Variants in TIMP4 observed in about 807,000 individuals in gnomAD.
The protein encoded by TIMP4 is TIMP metallopeptidase inhibitor 4, also known as metalloproteinase inhibitor 4.
Under a neutral mutation model 27.3 loss-of-function variants are expected in TIMP4, and 28 were observed. The observed-to-expected ratio is 1.03, with a 90% confidence interval of 0.76 to 1.41. TIMP4 has a LOEUF of 1.41. TIMP4 is among the 40% of genes most tolerant of loss of function. The probability of loss-of-function intolerance (pLI) is 0.00; values close to 1 mark genes in which losing one functional copy is unlikely to be tolerated. For missense variants in TIMP4, 307 were observed against 285.5 expected, an observed-to-expected ratio of 1.08 and a Z score of -0.54; for synonymous variants, 138 against 115.5, an observed-to-expected ratio of 1.20 and a Z score of -1.25.
chr3:12,158,063 C>A (rs1009002902), intron 1 of TIMP4, among the ~76,000 whole-genome samples: 6 of 152,174 alleles, frequency 3.9e-5, no homozygotes, highest in African/African-American at 1.4e-4. Flanking sequence ...TCCTGCCGAG[C>A]TCTTGATCTA....
rs767028071 is a variant in TIMP4, at chr3:12,153,557, G to A, written c.633C>T (p.His211=). Residue 211 remains histidine (H), a synonymous_variant, in exon 5 of 5, where the codon CAC becomes CAT. Coordinates refer to ENST00000287814, the MANE Select transcript of TIMP4 (RefSeq NM_003256.4). ...VDGTCSWYRG[H]LPLRKEFVDI... Reference sequence around the variant, plus strand: ...CAACAAACTCCTTCCTGAGAGGCAGGTGGCCCCGGTACCAGCTGCAGGTGC... The same window carrying A: ...CAACAAACTCCTTCCTGAGAGGCAGATGGCCCCGGTACCAGCTGCAGGTGC... 1 of 1,613,998 alleles carries A rather than the reference G, an allele frequency of 6.2e-7. No homozygotes were observed. Among genetic ancestry groups the A allele is most frequent in the Non-Finnish European group, 8.5e-7 (1 of 1,179,994 alleles).
chr3:12,154,050 A>G (rs190669203), intron 4 of TIMP4, among the ~76,000 whole-genome samples: 6 of 152,346 alleles, frequency 3.9e-5, no homozygotes, highest in Admixed American at 3.9e-4. Context: ...AAACATTTAC[A>G]GTAAATTTAC....
chr3:12,153,294 AG>A lies in TIMP4; in HGVS notation c.*220del. 1 of 592,834 alleles carries A rather than the reference AG, an allele frequency of 1.7e-6. No individual in the cohort carries two copies. The allele number at this position is 592,834 out of a possible 1,614,324, so 36.7% of individuals were successfully genotyped here. Reference sequence around the variant, plus strand: ...AGAAACACTTGCAGTAACAGCTACAAGGCTAGACTAATGGGGTTTGGGAGGC... The same window carrying A: ...AGAAACACTTGCAGTAACAGCTACAAGCTAGACTAATGGGGTTTGGGAGGC... On this transcript the variant is annotated 3_prime_UTR_variant, in exon 5 of 5. Coordinates refer to ENST00000287814, the MANE Select transcript of TIMP4 (RefSeq NM_003256.4).
In TIMP4 at chr3:12,153,590, A is replaced by G; in HGVS notation, c.600T>C (p.His200=). 1 of 1,614,146 alleles carries G rather than the reference A, an allele frequency of 6.2e-7. No homozygotes were observed. The highest frequency in any genetic ancestry group is 8.5e-7 in the Non-Finnish European group (1 of 1,180,006). The change falls in exon 5 of 5, where the codon CAT becomes CAC. Residue 200 remains histidine, a synonymous_variant. Coordinates refer to ENST00000287814, the MANE Select transcript of TIMP4 (RefSeq NM_003256.4). ...GGTACCAGCTGCAGGTGCCGTCAACATGCTTCATACAGACATAATGCTGAG... is the reference window on the plus strand; with the variant it reads ...GGTACCAGCTGCAGGTGCCGTCAACGTGCTTCATACAGACATAATGCTGAG... The part of the protein sequence containing the change: ...YQAQHYVCMK[H]VDGTCSWYRG...
At chr3:12,155,460 G>A (rs1296937661) in intron 3 of TIMP4, among the ~76,000 whole-genome samples, 2 of 152,208 alleles carry the variant, frequency 1.3e-5, no homozygotes, top group Admixed American at 6.5e-5. Context: ...GTTGGGGGAA[G>A]GGCTTCCTGT....
chr3:12,154,178 G>C, intron 4 of TIMP4, 149 bp downstream of exon 4: 3 of 1,203,246 alleles, frequency 2.5e-6, no homozygotes, highest in Non-Finnish European at 3.5e-6. Flanking sequence ...TTTGAGATCA[G>C]GGCCTATAGA....
chr3:12,156,947 T>A lies in TIMP4; in HGVS notation c.238-13A>T, dbSNP rs1298668873. 6.2e-7 allele frequency: 1 copy of A among 1,602,338 alleles called. No individual in the cohort carries two copies. ...ACCCTTTGAACATCTGACAGGCAAT[T>A]ACAAAAAAAGGCAATATTGGGTCAG... On this transcript the variant is annotated splice_polypyrimidine_tract_variant and intron_variant, in intron 2 of 4. Coordinates refer to ENST00000287814, the MANE Select transcript of TIMP4 (RefSeq NM_003256.4).
rs1342387813 is a variant in TIMP4 at position 12,153,560 on chromosome 3, G to A, written c.630C>T (p.Gly210=). 2 of 1,614,056 alleles carry A rather than the reference G, an allele frequency of 1.2e-6. No individual in the cohort carries two copies. Among genetic ancestry groups the A allele is most frequent in the Admixed American group, 1.7e-5 (1 of 60,022 alleles). ...CAAACTCCTTCCTGAGAGGCAGGTG[G>A]CCCCGGTACCAGCTGCAGGTGCCGT... ...HVDGTCSWYR[G]HLPLRKEFVD... The change falls in exon 5 of 5, where the codon GGC becomes GGT. Residue 210 remains glycine, a synonymous_variant. Coordinates refer to ENST00000287814, the MANE Select transcript of TIMP4 (RefSeq NM_003256.4).
At chr3:12,158,423 C>T (rs1378291907) in intron 1 of TIMP4, among the ~76,000 whole-genome samples, 1 of 152,124 alleles carries the variant, frequency 6.6e-6, no homozygotes, top group Non-Finnish European at 1.5e-5. Flanking sequence ...TCCGGTGACA[C>T]CTTGTGTAAT....
In TIMP4 at chr3:12,158,868, T is replaced by A; in HGVS notation, c.-28A>T. On this transcript the variant is annotated 5_prime_UTR_variant, in exon 1 of 5. Coordinates refer to ENST00000287814, the MANE Select transcript of TIMP4 (RefSeq NM_003256.4). ...CACTGCAGATCCGCGACTGAGCCTG[T>A]GAGGTCTGGGGGACTGGACGGCCCC... 1 of 1,534,562 alleles carries A rather than the reference T, an allele frequency of 6.5e-7. No individual in the cohort carries two copies. Among genetic ancestry groups the A allele is most frequent in the Non-Finnish European group, 8.7e-7 (1 of 1,144,382 alleles).
Position 12,153,684 on chromosome 3 carries a change from G to A in TIMP4, c.506C>T (p.Thr169Ile). 6.2e-7 allele frequency: 1 copy of A among 1,614,204 alleles called. No individual in the cohort carries two copies. The highest frequency in any genetic ancestry group is 8.5e-7 in the Non-Finnish European group (1 of 1,180,036). ...QITTCYTVPC[T>I]ISAPNECLWT... ...GAGGCACTCGTTAGGGGCCGAGATGGTACAGGGTACTGTGTAGCAGGTGGT... is the reference window on the plus strand; with the variant it reads ...GAGGCACTCGTTAGGGGCCGAGATGATACAGGGTACTGTGTAGCAGGTGGT... The change falls in exon 5 of 5, where the codon ACC becomes ATC. Residue 169 changes from threonine to isoleucine, a missense_variant. Transcript: ENST00000287814.
In TIMP4 at chr3:12,158,849, A is replaced by AG; in HGVS notation, c.-10dup. On this transcript the variant is annotated 5_prime_UTR_variant, in exon 1 of 5. Coordinates refer to ENST00000287814, the MANE Select transcript of TIMP4 (RefSeq NM_003256.4). ...CGAGGGCTCCCAGGCATGACACTGC[A>AG]GATCCGCGACTGAGCCTGTGAGGTC... 1 of 1,565,110 alleles carries AG rather than the reference A, an allele frequency of 6.4e-7. No homozygotes were observed. The highest frequency in any genetic ancestry group is 8.6e-7 in the Non-Finnish European group (1 of 1,159,910).
chr3:12,156,743 AC>A lies in TIMP4; in HGVS notation c.352+76del, dbSNP rs1697468043. 1.0e-5 allele frequency: 12 copies of A among 1,177,898 alleles called. No homozygotes were observed. The South Asian group carries it at 1.6e-4, about 15-fold the overall frequency. 73.0% of individuals were successfully genotyped at this position (1,177,898 alleles called of 1,614,324 possible). A position where few individuals can be genotyped will look rare whatever the true frequency, so the allele number is the denominator to read the frequency against. On this transcript the variant is annotated intron_variant, in intron 3 of 4. Transcript: ENST00000287814. The stretch of plus-strand genomic sequence containing the variant: ...TGGCTCAGCCTACTGCCCAAGGAAG[AC>A]CCTGGCTCCTTTCTCACTACCTCCC...
chr3:12,153,430 G>T lies in TIMP4; in HGVS notation c.*85C>A. The T allele has an allele frequency of 6.7e-7, 1 of 1,483,990 alleles. No homozygotes were observed. Among genetic ancestry groups the T allele is most frequent in the Non-Finnish European group, 9.4e-7 (1 of 1,064,700 alleles). 91.9% of individuals were successfully genotyped at this position (1,483,990 alleles called of 1,614,324 possible). ...TTATTAGCTGGCAGCAAGAGGTCAG[G>T]TGGTAATGGCCAAAGCTCTGCAGGG... On this transcript the variant is annotated 3_prime_UTR_variant, in exon 5 of 5. Transcript: ENST00000287814.
intron 3 of TIMP4, among the ~76,000 whole-genome samples, chr3:12,156,603 C>A (rs1039701220): frequency 1.3e-5 from 2 of 152,148 alleles, no homozygotes; most frequent in Admixed American, 1.3e-4. Context: ...GAAACGGTGG[C>A]CAGGGTCACT....
intron 3 of TIMP4, among the ~76,000 whole-genome samples, chr3:12,154,750 C>CTT (rs906596782): frequency 1.3e-5 from 2 of 152,152 alleles, no homozygotes. Context: ...ATCCCCCTTT[C>CTT]TTTTCTGTCA....
Position 12,154,435 on chromosome 3 carries a change from A to T in TIMP4, c.369T>A (p.Asp123Glu), listed in dbSNP as rs775675942. 4.3e-6 allele frequency: 7 copies of T among 1,614,110 alleles called. No individual in the cohort carries two copies. The highest frequency in any genetic ancestry group is 5.9e-6 in the Non-Finnish European group (7 of 1,180,012). The part of the protein sequence containing the change: ...QYLLTGQVLS[D>E]GKVFIHLCNY... ...TGCACAGATGGATGAAGACTTTTCC[A>T]TCACTGAGGACCTGACCTTCAAGGG... The change falls in exon 4 of 5, where the codon GAT (aspartate) becomes GAA (glutamate). Residue 123 changes from aspartate (D) to glutamate (E), a missense_variant. Coordinates refer to ENST00000287814, the MANE Select transcript of TIMP4 (RefSeq NM_003256.4).
Position 12,153,588 on chromosome 3 carries a change from A to C in TIMP4, c.602T>G (p.Val201Gly). ...CCGGTACCAGCTGCAGGTGCCGTCA[A>C]CATGCTTCATACAGACATAATGCTG... ...QAQHYVCMKH[V>G]DGTCSWYRGH... The change falls in exon 5 of 5, where the codon GTT (valine) becomes GGT (glycine). Residue 201 changes from valine to glycine, a missense_variant. Physicochemically the swap from Val to Gly is moderately radical, Grantham distance 109. Coordinates refer to ENST00000287814, the MANE Select transcript of TIMP4 (RefSeq NM_003256.4). The C allele has an allele frequency of 6.2e-7, 1 of 1,614,170 alleles. No individual in the cohort carries two copies. Among genetic ancestry groups the C allele is most frequent in the South Asian group, 1.1e-5 (1 of 91,080 alleles).
In TIMP4 at chr3:12,153,388, T is replaced by A. The variant is rs1697360635; in HGVS notation, c.*127A>T. The A allele has an allele frequency of 8.9e-7, 1 of 1,118,456 alleles. No individual in the cohort carries two copies. Among genetic ancestry groups the A allele is most frequent in the Non-Finnish European group, 1.3e-6 (1 of 746,030 alleles). 69.3% of individuals were successfully genotyped at this position (1,118,456 alleles called of 1,614,324 possible). ...TTCCCTGCCTTGACAGTGGCCAGAC[T>A]GTCCACTTGGCACTTCTTATTAGCT... is the stretch of plus-strand genomic sequence containing the variant. On this transcript the variant is annotated 3_prime_UTR_variant, in exon 5 of 5. Transcript: ENST00000287814.
Sources: gnomAD v4.1 joint callset for allele counts (sites outside exome capture counted in the v4.1 genomes callset) on GRCh38, gnomAD v4.1.1 for gene constraint, MANE v1.5 for transcripts, NCBI Gene and HGNC (gene_info 2026-07-23, HGNC 2026-07-21) for gene names.